NLGN1: variants seen among roughly 807,000 people sequenced by gnomAD.
The protein encoded by NLGN1 is neuroligin 1, also known as neuroligin-1.
In NLGN1, 12 loss-of-function variants were observed where a neutral mutation model predicts 65.5. The observed-to-expected ratio is 0.18, with a 90% confidence interval of 0.12 to 0.30. The LOEUF (loss-of-function observed/expected upper bound fraction) is 0.30, where lower values mean the gene tolerates loss of function less well. NLGN1 is among the 10% of genes least tolerant of loss of function. NLGN1 has a pLI of 1.00. For missense variants in NLGN1, 750 were observed against 1,007.1 expected (o/e 0.74, Z 3.46); for synonymous variants, 350 against 359.5 (o/e 0.97, Z 0.30).
Position 173,498,117 on chromosome 3 carries a change from A to G in NLGN1, c.-321+63039A>G, listed in dbSNP as rs531090048. On this transcript the variant is annotated intron_variant, in intron 2 of 6. Transcript: ENST00000457714. The stretch of plus-strand genomic sequence containing the variant: ...TGTGCACAACGTGCAGGTTTGTTAC[A>G]TATGTATACATGTGCCATGTTGGTG... Among the ~76,000 whole-genome samples the G allele has an allele frequency of 5.9e-5, 9 of 151,678 alleles. No individual in the cohort carries two copies. The East Asian group carries it at 1.7e-3, about 29-fold the overall frequency.
At chr3:174,051,559 A>T (rs1441040053) in intron 4 of NLGN1, among the ~76,000 whole-genome samples, 4 of 152,088 alleles carry the variant, frequency 2.6e-5, no homozygotes, top group Admixed American at 6.6e-5. Flanking sequence ...AATCAAGTCT[A>T]CATGGATGCC....
At chr3:174,289,634 T>C (rs1034681052), downstream of NLGN1, among the ~76,000 whole-genome samples, 36 of 151,184 alleles carry the variant, frequency 2.4e-4, no homozygotes, top group African/African-American at 8.2e-4. Context: ...ACCAATCACC[T>C]GTCATAATTA....
At chr3:173,736,670 T>G (rs9825718) in intron 3 of NLGN1, among the ~76,000 whole-genome samples, 3,128 of 152,106 alleles carry the variant, frequency 0.021, 110 homozygotes, top group African/African-American at 0.072. Context: ...AAAATAATTT[T>G]GTCTTGGAAA....
chr3:174,269,014 C>T lies in NLGN1; in HGVS notation c.647-6301C>T, dbSNP rs903611907. Among the ~76,000 whole-genome samples the T allele has an allele frequency of 2.6e-5, 4 of 151,362 alleles. No individual in the cohort carries two copies. In the East Asian group the frequency reaches 7.8e-4, roughly 29 times the overall value. On this transcript the variant is annotated intron_variant, in intron 4 of 6. Transcript: ENST00000457714. ...AAAAGGAAAATATTTTTACTTTATC[C>T]TTCATTGCTTTCTAAGAAGAATTTA...
intron 2 of NLGN1, among the ~76,000 whole-genome samples, chr3:173,511,878 A>G (rs773241938): frequency 6.6e-6 from 1 of 152,186 alleles, no homozygotes; most frequent in Non-Finnish European, 1.5e-5. Flanking sequence ...TTCTTTGCAT[A>G]TTAATCATAG....
chr3:174,237,881 T>G (rs982511473), intron 4 of NLGN1, among the ~76,000 whole-genome samples: 7 of 152,146 alleles, frequency 4.6e-5, no homozygotes, highest in Admixed American at 2.6e-4. Flanking sequence ...AGGTTGTAAG[T>G]TGATATCCTC....
At chr3:174,061,400 C>T (rs1200197954) in intron 4 of NLGN1, among the ~76,000 whole-genome samples, 2 of 152,112 alleles carry the variant, frequency 1.3e-5, no homozygotes, top group African/African-American at 4.8e-5. Context: ...AGTCATTACA[C>T]TCAGAGGAAA....
chr3:173,421,501 A>T (rs1037728458), intron 1 of NLGN1, among the ~76,000 whole-genome samples: 1 of 151,312 alleles, frequency 6.6e-6, no homozygotes, highest in Non-Finnish European at 1.5e-5. Flanking sequence ...TCAATTTTAT[A>T]ATAATAATTA....
At chr3:174,095,699 T>G (rs1310513420) in intron 4 of NLGN1, among the ~76,000 whole-genome samples, 1 of 152,102 alleles carries the variant, frequency 6.6e-6, no homozygotes, top group Non-Finnish European at 1.5e-5. Context: ...TTACTATATA[T>G]ATTACATTCA....
intron 3 of NLGN1, among the ~76,000 whole-genome samples, chr3:173,772,972 T>C (rs1054636611): frequency 6.6e-6 from 1 of 152,170 alleles, no homozygotes; most frequent in Non-Finnish European, 1.5e-5. Context: ...GAAGTCTGCT[T>C]GGGTTAGATT....
At chr3:173,830,141 A>G (rs1722244338) in intron 4 of NLGN1, among the ~76,000 whole-genome samples, 2 of 152,274 alleles carry the variant, frequency 1.3e-5, no homozygotes, top group East Asian at 1.9e-4. Context: ...ATAGCAATCT[A>G]TGCACACATC....
At chr3:173,825,991 C>T (rs1293902629) in intron 4 of NLGN1, among the ~76,000 whole-genome samples, 1 of 151,952 alleles carries the variant, frequency 6.6e-6, no homozygotes, top group Non-Finnish European at 1.5e-5. Flanking sequence ...ATACCTGCAC[C>T]TATGAGACAT....
chr3:173,612,093 C>T (rs1752393384), intron 3 of NLGN1, among the ~76,000 whole-genome samples: 1 of 151,908 alleles, frequency 6.6e-6, no homozygotes, highest in African/African-American at 2.4e-5. Flanking sequence ...GAATACTCTT[C>T]TCCTTCTTCC....
intron 4 of NLGN1, among the ~76,000 whole-genome samples, chr3:173,895,752 A>G (rs1033648066): frequency 6.6e-6 from 1 of 151,634 alleles, no homozygotes; most frequent in African/African-American, 2.4e-5. Context: ...GTGTAGTGGC[A>G]TGATCTCGGC....
chr3:173,420,650 C>G (rs1421290336), intron 1 of NLGN1, among the ~76,000 whole-genome samples: 3 of 152,112 alleles, frequency 2.0e-5, no homozygotes, highest in South Asian at 2.1e-4. Context: ...TGAGGAATTG[C>G]CACACCGACT....
chr3:173,456,220 T>G (rs1230994443), intron 2 of NLGN1, among the ~76,000 whole-genome samples: 1 of 152,176 alleles, frequency 6.6e-6, no homozygotes, highest in Non-Finnish European at 1.5e-5. Flanking sequence ...ATAAATGATA[T>G]TTTTAAAACT....
chr3:174,007,406 A>C (rs1018622139), intron 4 of NLGN1, among the ~76,000 whole-genome samples: 2 of 152,132 alleles, frequency 1.3e-5, no homozygotes, highest in Non-Finnish European at 2.9e-5. Context: ...GCTTTCAATC[A>C]CACCTTTTTC....
intron 3 of NLGN1, among the ~76,000 whole-genome samples, chr3:173,632,113 C>G (rs1160860726): frequency 6.6e-6 from 1 of 152,076 alleles, no homozygotes. Flanking sequence ...TCAGATACAT[C>G]TGCAGTGTCT....
chr3:173,578,167 C>T (rs1189866441), intron 2 of NLGN1, among the ~76,000 whole-genome samples: 2 of 149,484 alleles, frequency 1.3e-5, no homozygotes, highest in South Asian at 2.1e-4. Flanking sequence ...ACCCGGGAGG[C>T]GGAGTTTGCA....
Sources: allele counts gnomAD v4.1 joint callset (sites outside exome capture counted in the v4.1 genomes callset), GRCh38; gene constraint gnomAD v4.1.1; transcripts MANE v1.5; gene names NCBI Gene and HGNC (gene_info 2026-07-23, HGNC 2026-07-21).